The following FYCO1 variants were observed in gnomAD, a reference collection of about 807,000 sequenced individuals.
The protein encoded by FYCO1 is FYVE and coiled-coil domain-containing protein 1.
FYCO1 carries 122 observed loss-of-function variants against 165.1 expected under a neutral mutation model. The ratio of observed to expected loss-of-function variants is 0.74; its 90% CI spans 0.64 to 0.86. The LOEUF (loss-of-function observed/expected upper bound fraction) is 0.86, where lower values mean the gene tolerates loss of function less well. FYCO1 is among the 40% of genes least tolerant of loss of function. The probability of loss-of-function intolerance (pLI) is 0.00; values close to 1 mark genes in which losing one functional copy is unlikely to be tolerated. For missense variants in FYCO1, 1,702 were observed against 1,810.3 expected (o/e 0.94, Z 1.09); for synonymous variants, 648 against 742.5 (o/e 0.87, Z 2.07).
At chr3:45,969,031 A>C (rs561316139) in intron 7 of FYCO1, among the ~76,000 whole-genome samples, 22 of 152,296 alleles carry the variant, frequency 1.4e-4, no homozygotes, top group African/African-American at 5.1e-4. Flanking sequence ...TTGTTCATTC[A>C]TTGTGCCATA....
chr3:45,928,578 G>A (rs1050162057), intron 16 of FYCO1, among the ~76,000 whole-genome samples: 11 of 152,200 alleles, frequency 7.2e-5, no homozygotes, highest in African/African-American at 2.7e-4. Context: ...GGTGCCCCTA[G>A]AAACGGGGCT....
chr3:45,924,403 T>TC lies in FYCO1; in HGVS notation c.4252-639dup, dbSNP rs1428981525. On this transcript the variant is annotated intron_variant, in intron 16 of 17. Transcript: ENST00000296137. ...GGAGACACTGATATTGATTTTTTTT[T>TC]CAGACGATTTTTGAAGGGCCTCACT... is the stretch of plus-strand genomic sequence containing the variant. Among the ~76,000 whole-genome samples the TC allele has an allele frequency of 3.9e-5, 6 of 152,248 alleles. 1 individual carries two copies. The highest frequency in any genetic ancestry group is 3.9e-4 in the East Asian group (2 of 5,174).
chr3:45,947,333 C>T (rs1224644128), intron 14 of FYCO1: 1 of 1,614,228 alleles, frequency 6.2e-7, no homozygotes, highest in East Asian at 2.2e-5. Flanking sequence ...CCTGCCTTAA[C>T]CCTGTGCTCT....
Position 45,962,076 on chromosome 3 carries a change from G to A in FYCO1, c.3437+149C>T. The A allele has an allele frequency of 4.6e-6, 4 of 864,374 alleles. No individual in the cohort carries two copies. Among genetic ancestry groups the A allele is most frequent in the Non-Finnish European group, 7.7e-6 (4 of 519,192 alleles). The allele number at this position is 864,374 out of a possible 1,614,324, so 53.5% of individuals were successfully genotyped here. On this transcript the variant is annotated intron_variant, in intron 11 of 17. Transcript: ENST00000296137. This position sits in a 1 kb window ranked among gnomAD's most constrained non-coding sequence, Gnocchi z 4.4. ...GTTTGGGACTCTAGTACTGGGGAAAGTGAGATGGAGAAGGAGAGAGGGGCT... is the reference window on the plus strand; with the variant it reads ...GTTTGGGACTCTAGTACTGGGGAAAATGAGATGGAGAAGGAGAGAGGGGCT...
Position 45,967,503 on chromosome 3 carries a change from C to T in FYCO1, c.1831G>A (p.Glu611Lys). Residue 611 changes from glutamate to lysine, a missense_variant, in exon 8 of 18, where the codon GAG becomes AAG. By Grantham distance (56) the Glu-to-Lys change is moderately conservative. Coordinates refer to ENST00000296137, the MANE Select transcript of FYCO1 (RefSeq NM_024513.4). ...CTGTTGGCCTGCCGGAGCTCTTCCT[C>T]CTGGCTGCCCTCTTGCACCTTGGTA... Reference protein sequence around the residue: ...DDTKVQEGSQEEELRQANREL... With the variant: ...DDTKVQEGSQKEELRQANREL... 2 of 1,613,756 alleles carry T rather than the reference C, an allele frequency of 1.2e-6. No homozygotes were observed. Among genetic ancestry groups the T allele is most frequent in the Non-Finnish European group, 1.7e-6 (2 of 1,179,980 alleles).
At chr3:45,926,579 TTAA>T (rs1703329338) in intron 16 of FYCO1, among the ~76,000 whole-genome samples, 1 of 152,228 alleles carries the variant, frequency 6.6e-6, no homozygotes, top group South Asian at 2.1e-4. Flanking sequence ...TACCTCTTTC[TTAA>T]TAATTGATAG....
In FYCO1 at chr3:45,993,299, T is replaced by C. The variant is rs1392288; in HGVS notation, c.-113+2423A>G. ...GAAAAGGGATAAAACTGCTCTTGCC[T>C]AACTGAGCACAGCTTCTGCCATCAT... On this transcript the variant is annotated intron_variant, in intron 1 of 17. Transcript: ENST00000296137. The surrounding 1 kb of genome is among the most constrained non-coding windows in gnomAD (Gnocchi z 4.4). 0.65 allele frequency among the ~76,000 whole-genome samples: 99,190 copies of C among 152,128 alleles called. 35,485 individuals carry two copies. The highest frequency in any genetic ancestry group is 0.96 in the East Asian group (4,968 of 5,172).
chr3:45,940,756 T>A (rs1704177010), intron 14 of FYCO1, among the ~76,000 whole-genome samples: 1 of 152,170 alleles, frequency 6.6e-6, no homozygotes, highest in Non-Finnish European at 1.5e-5. Context: ...AGTCTCTCCC[T>A]CTGCCTTAAG....
intron 2 of FYCO1, among the ~76,000 whole-genome samples, chr3:45,984,026 T>C (rs11130082): frequency 0.58 from 88,435 of 152,128 alleles, 28,221 homozygotes; most frequent in East Asian, 0.99. Context: ...GTTAGAAGCC[T>C]GGGCCTTTAG....
At position 45,968,677 on chromosome 3, in the gene FYCO1, G is replaced by T. The variant is rs761255154; in HGVS notation, c.657C>A (p.Asp219Glu). 6.2e-7 allele frequency: 1 copy of T among 1,614,076 alleles called. No individual in the cohort carries two copies. Among genetic ancestry groups the T allele is most frequent in the East Asian group, 2.2e-5 (1 of 44,902 alleles). ...LQTQEMVSNFDLNSPLNNEAL... is the reference protein window; with the variant it reads ...LQTQEMVSNFELNSPLNNEAL... ...CCTCGTTGTTTAGGGGGCTGTTCAG[G>T]TCAAAGTTGGACACCATCTCTTGAG... The change falls in exon 8 of 18, where the codon GAC becomes GAA. Residue 219 changes from aspartate (D) to glutamate (E), a missense_variant. Transcript: ENST00000296137.
At position 45,967,034 on chromosome 3, in the gene FYCO1, A is replaced by G; in HGVS notation, c.2300T>C (p.Leu767Pro). ...CTGAGACAGGGCTAGCTGGGCAGCCAGCTCACGGGCTTCATTGTCAGTGGG... is the reference window on the plus strand; with the variant it reads ...CTGAGACAGGGCTAGCTGGGCAGCCGGCTCACGGGCTTCATTGTCAGTGGG... Reference protein sequence around the residue: ...GPPTDNEARELAAQLALSQAQ... With the variant: ...GPPTDNEAREPAAQLALSQAQ... Residue 767 changes from leucine to proline, a missense_variant, in exon 8 of 18, where the codon CTG becomes CCG. Physicochemically the swap from Leu to Pro is moderately conservative, Grantham distance 98. Coordinates refer to ENST00000296137, the MANE Select transcript of FYCO1 (RefSeq NM_024513.4). The G allele has an allele frequency of 6.2e-7, 1 of 1,613,464 alleles. No individual in the cohort carries two copies. The highest frequency in any genetic ancestry group is 1.1e-5 in the South Asian group (1 of 91,086).
intron 8 of FYCO1, among the ~76,000 whole-genome samples, chr3:45,965,543 C>T (rs1705961526): frequency 6.6e-6 from 1 of 152,230 alleles, no homozygotes; most frequent in Non-Finnish European, 1.5e-5. Flanking sequence ...GCGCTGTCTT[C>T]ACTCTAGACA....
intron 4 of FYCO1, 78 bp from the exon 5 acceptor site, chr3:45,975,423 G>T (rs1171658870): frequency 3.6e-6 from 4 of 1,108,170 alleles, no homozygotes; most frequent in Non-Finnish European, 5.5e-6. Context: ...TAGATGGCTT[G>T]TGAAACACAG....
Position 45,967,724 on chromosome 3 carries a change from T to C in FYCO1, c.1610A>G (p.Lys537Arg). The C allele has an allele frequency of 6.2e-7, 1 of 1,613,322 alleles. No individual in the cohort carries two copies. Among genetic ancestry groups the C allele is most frequent in the Non-Finnish European group, 8.5e-7 (1 of 1,180,042 alleles). The change falls in exon 8 of 18, where the codon AAG (lysine) becomes AGG (arginine). Residue 537 changes from lysine to arginine, a missense_variant. Physicochemically the swap from Lys to Arg is conservative, Grantham distance 26. Transcript: ENST00000296137. ...QHVSDLEEQK[K>R]QLIQDKDHLS... ...GTGGTCTTTGTCCTGAATGAGCTGC[T>C]TCTTCTGCTCCTCCAGGTCACTCAC...
intron 1 of FYCO1, among the ~76,000 whole-genome samples, chr3:45,989,615 C>A (rs778191861): frequency 1.3e-5 from 2 of 152,244 alleles, no homozygotes; most frequent in Non-Finnish European, 2.9e-5. Context: ...CCTGGGTCAT[C>A]TTTCCCAAAC....
Position 45,966,725 on chromosome 3 carries a change from A to G in FYCO1, c.2609T>C (p.Leu870Pro), listed in dbSNP as rs753002954. 2 of 1,612,084 alleles carry G rather than the reference A, an allele frequency of 1.2e-6. No individual in the cohort carries two copies. Among genetic ancestry groups the G allele is most frequent in the African/African-American group, 1.3e-5 (1 of 74,930 alleles). Reference sequence around the variant, plus strand: ...GGACAGCTCCTCCTGCAGGGCCCGCAGCTCCTCCTCCCTCTGCTGGGCCTC... The same window carrying G: ...GGACAGCTCCTCCTGCAGGGCCCGCGGCTCCTCCTCCCTCTGCTGGGCCTC... ...ADEAQQREEE[L>P]RALQEELSQA... is the part of the protein sequence containing the mutation. The change falls in exon 8 of 18, where the codon CTG becomes CCG. Residue 870 changes from leucine (L) to proline (P), a missense_variant. Transcript: ENST00000296137.
At chr3:45,990,070 T>G (rs1707494505) in intron 1 of FYCO1, among the ~76,000 whole-genome samples, 1 of 152,116 alleles carries the variant, frequency 6.6e-6, no homozygotes, top group African/African-American at 2.4e-5. Flanking sequence ...AAACTACAGA[T>G]CTCCAAAATT....
At position 45,947,384 on chromosome 3, in the gene FYCO1, A is replaced by G. The variant is rs771296503; in HGVS notation, c.3944+7865T>C. On this transcript the variant is annotated intron_variant, in intron 14 of 17. Transcript: ENST00000296137. Reference sequence around the variant, plus strand: ...TGAAGTTTCGAAAGAACTTCTGGAAACTTGTGAAGGACATTGGTTGCCTCC... The same window carrying G: ...TGAAGTTTCGAAAGAACTTCTGGAAGCTTGTGAAGGACATTGGTTGCCTCC... 4 of 1,614,250 alleles carry G rather than the reference A, an allele frequency of 2.5e-6. No homozygotes were observed. In the Admixed American group the frequency reaches 5.0e-5, roughly 20 times the overall value.
At chr3:45,966,229 C>T in intron 8 of FYCO1, 48 bp downstream of exon 8, 2 of 1,597,608 alleles carry the variant, frequency 1.3e-6, no homozygotes, top group Non-Finnish European at 8.5e-7. Flanking sequence ...ACCCACCAGG[C>T]CTGCCCAGGG....
Sources: allele counts gnomAD v4.1 joint callset (sites outside exome capture counted in the v4.1 genomes callset), GRCh38; gene constraint gnomAD v4.1.1; non-coding constraint Gnocchi (gnomAD v3.1); transcripts MANE v1.5; gene names NCBI Gene and HGNC (gene_info 2026-07-23, HGNC 2026-07-21).